DBF4B: variants seen among roughly 807,000 people sequenced by gnomAD.
DBF4B encodes DBF4B-CDC7 kinase regulatory subunit.
Under a neutral mutation model 53.4 loss-of-function variants are expected in DBF4B, and 49 were observed. That is an observed-to-expected ratio of 0.92 (90% CI 0.73 to 1.16). The LOEUF is 1.16. Ranked by LOEUF, DBF4B falls within the 50% of genes most tolerant of loss-of-function variation. The probability of loss-of-function intolerance (pLI) is 0.00; values close to 1 mark genes in which losing one functional copy is unlikely to be tolerated. For synonymous variants in DBF4B, 257 were observed against 288.7 expected, an observed-to-expected ratio of 0.89 and a Z score of 1.11; for missense variants, 692 against 775.0, an observed-to-expected ratio of 0.89 and a Z score of 1.27.
chr17:44,748,946 C>G, intron 13 of DBF4B: 1 of 1,289,834 alleles, frequency 7.8e-7, no homozygotes, highest in East Asian at 5.5e-5. Flanking sequence ...ACAGACAGAC[C>G]AGCAGAGTTC....
rs752640727 is a variant in DBF4B at position 44,722,889 on chromosome 17, G to A, written c.92G>A (p.Arg31Lys). Residue 31 changes from arginine to lysine, a missense_variant, in exon 3 of 14, where the codon AGG (arginine) becomes AAG (lysine). This residue lies in a region of DBF4B where 66 missense variants were observed against 51.3 expected (regional missense o/e 1.29). Coordinates refer to ENST00000315005, the MANE Select transcript of DBF4B (RefSeq NM_145663.3). ...RLRAPDLGVS[R>K]CLGKCQKNSP... is the part of the protein sequence containing the mutation. ...CTTTATTGTTTTCTAGGAGTTTCCA[G>A]GTGTCTAGGAAAATGCCAGAAGAAC... 6.2e-7 allele frequency: 1 copy of A among 1,614,014 alleles called. No individual in the cohort carries two copies. The highest frequency in any genetic ancestry group is 1.1e-5 in the South Asian group (1 of 91,066).
Position 44,749,886 on chromosome 17 carries a change from C to T in DBF4B, c.1190-709C>T, listed in dbSNP as rs1383571815. ...AAAATGACTGTGTTTGTCCCCTCCC[C>T]CAGCCCCCCACGCTCCCGCACACAG... On this transcript the variant is annotated intron_variant, in intron 13 of 13. Transcript: ENST00000315005. This position sits in a 1 kb window ranked among gnomAD's most constrained non-coding sequence, Gnocchi z 4.4. The T allele has an allele frequency of 2.9e-6, 3 of 1,039,002 alleles. No individual in the cohort carries two copies. The highest frequency in any genetic ancestry group is 3.4e-5 in the African/African-American group (2 of 59,294). The allele number at this position is 1,039,002 out of a possible 1,614,324, so 64.4% of individuals were successfully genotyped here.
intron 7 of DBF4B, 77 bp from the exon 8 acceptor site, chr17:44,736,753 C>T: frequency 6.5e-7 from 1 of 1,528,552 alleles, no homozygotes; most frequent in South Asian, 1.1e-5. Context: ...GACTGGCAGC[C>T]ACTTGGCTTA....
intron 10 of DBF4B, 96 bp from the exon 11 acceptor site, chr17:44,746,987 T>C: frequency 1.7e-6 from 2 of 1,172,580 alleles, no homozygotes; most frequent in Non-Finnish European, 2.5e-6. Context: ...TCTTGGTCCT[T>C]CCCCTCCCTG....
chr17:44,713,575 G>A (rs77646075), intron 2 of DBF4B, among the ~76,000 whole-genome samples: 18,110 of 151,966 alleles, frequency 0.12, 1,261 homozygotes, highest in South Asian at 0.25. Context: ...ACTTGAACCC[G>A]GGAGGCAGAG....
At chr17:44,739,177 G>A (rs530726519) in intron 9 of DBF4B, among the ~76,000 whole-genome samples, 1 of 152,328 alleles carries the variant, frequency 6.6e-6, no homozygotes, top group South Asian at 2.1e-4. Flanking sequence ...TGAGCTATTA[G>A]CAGCCATGTT....
intron 5 of DBF4B, 182 bp downstream of exon 5, chr17:44,731,197 C>T: frequency 4.6e-6 from 3 of 656,096 alleles, no homozygotes; most frequent in Non-Finnish European, 7.8e-6. Context: ...TAGCCATTCA[C>T]CTAGAGAGTA....
intron 10 of DBF4B, among the ~76,000 whole-genome samples, chr17:44,743,698 C>G (rs1031458952): frequency 6.4e-4 from 97 of 151,588 alleles, no homozygotes; most frequent in Non-Finnish European, 2.7e-4. Flanking sequence ...GCAACCTCCG[C>G]CTCCCAGGTT....
rs114677363 is a variant in DBF4B, at chr17:44,729,669, A to G, written c.226-236A>G. ...CAGGGGCAGCAGTCCTGTAGACAAA[A>G]CCTGTAATACACATACACACACACA... On this transcript the variant is annotated intron_variant, in intron 3 of 13. Transcript: ENST00000315005. 6.3e-3 allele frequency among the ~76,000 whole-genome samples: 911 copies of G among 144,464 alleles called. 10 individuals carry two copies. Among genetic ancestry groups the G allele is most frequent in the African/African-American group, 0.023 (861 of 37,910 alleles). 94.8% of individuals were successfully genotyped at this position (144,464 alleles called of 152,430 possible). A position where few individuals can be genotyped will look rare whatever the true frequency, so the allele number is the denominator to read the frequency against.
intron 2 of DBF4B, among the ~76,000 whole-genome samples, chr17:44,717,509 C>G (rs1380172439): frequency 6.6e-6 from 1 of 151,630 alleles, no homozygotes; most frequent in East Asian, 1.9e-4. Flanking sequence ...GATTTCGAGA[C>G]CAGCCTGGCC....
Position 44,751,277 on chromosome 17 carries a change from C to CTT in DBF4B, c.*25_*26dup. 1 of 1,600,540 alleles carries CTT rather than the reference C, an allele frequency of 6.2e-7. No individual in the cohort carries two copies. Among genetic ancestry groups the CTT allele is most frequent in the Non-Finnish European group, 8.5e-7 (1 of 1,173,016 alleles). On this transcript the variant is annotated 3_prime_UTR_variant, in exon 14 of 14. Transcript: ENST00000315005. Reference sequence around the variant, plus strand: ...AGAGGTGAACCCAGAACACCTGAGACTTGACCCAGGATGGATGGGTGCTGC... The same window carrying CTT: ...AGAGGTGAACCCAGAACACCTGAGACTTTTGACCCAGGATGGATGGGTGCTGC...
In DBF4B at chr17:44,708,774, A is replaced by T. The variant is rs773624471; in HGVS notation, c.-47A>T. The T allele has an allele frequency of 1.9e-6, 3 of 1,547,360 alleles. No individual in the cohort carries two copies. Among genetic ancestry groups the T allele is most frequent in the South Asian group, 2.4e-5 (2 of 83,604 alleles). On this transcript the variant is annotated 5_prime_UTR_variant, in exon 1 of 14. Transcript: ENST00000315005. ...CATGGAGCTCGCGAATGTAATACGG[A>T]GGCCTCTGAGGAAGGAGTACGGAGG... is the stretch of plus-strand genomic sequence containing the variant.
intron 9 of DBF4B, among the ~76,000 whole-genome samples, chr17:44,739,258 A>T (rs1286233594): frequency 6.6e-6 from 1 of 152,240 alleles, no homozygotes; most frequent in Non-Finnish European, 1.5e-5. Context: ...TCAAAATTTA[A>T]ATTTTTGTTT....
chr17:44,730,315 G>A (rs1003003360), intron 4 of DBF4B, among the ~76,000 whole-genome samples: 1 of 152,080 alleles, frequency 6.6e-6, no homozygotes, highest in African/African-American at 2.4e-5. Flanking sequence ...AGTTTTTACG[G>A]GACTTGAAAG....
intron 10 of DBF4B, among the ~76,000 whole-genome samples, chr17:44,744,594 G>A (rs1976423356): frequency 1.3e-5 from 2 of 152,104 alleles, no homozygotes; most frequent in Non-Finnish European, 2.9e-5. Flanking sequence ...AATTCCTAAA[G>A]GTAGAAATAT....
At position 44,751,580 on chromosome 17, in the gene DBF4B, C is replaced by T; in HGVS notation, c.*327C>T. 1 of 1,345,166 alleles carries T rather than the reference C, an allele frequency of 7.4e-7. No homozygotes were observed. Among genetic ancestry groups the T allele is most frequent in the African/African-American group, 1.5e-5 (1 of 68,114 alleles). The allele number at this position is 1,345,166 out of a possible 1,614,324, so 83.3% of individuals were successfully genotyped here. On this transcript the variant is annotated 3_prime_UTR_variant, in exon 14 of 14. Transcript: ENST00000315005. ...CAGACTTGCCACCTTTCCCCTCTGC[C>T]CCAAAATGCCATGCTCCTCTCCTGG...
At chr17:44,745,572 C>T (rs1010272719) in intron 10 of DBF4B, among the ~76,000 whole-genome samples, 3 of 152,188 alleles carry the variant, frequency 2.0e-5, no homozygotes, top group Non-Finnish European at 2.9e-5. Flanking sequence ...CATCACATCT[C>T]ATGAGAACTG....
chr17:44,726,666 A>T (rs1204921669), intron 3 of DBF4B, among the ~76,000 whole-genome samples: 2 of 152,122 alleles, frequency 1.3e-5, no homozygotes, highest in Non-Finnish European at 2.9e-5. Flanking sequence ...GTGGGAATAT[A>T]ATATTCTTTT....
chr17:44,723,263 C>A (rs1056168369), intron 3 of DBF4B, among the ~76,000 whole-genome samples: 2 of 152,156 alleles, frequency 1.3e-5, no homozygotes, highest in Non-Finnish European at 2.9e-5. Context: ...CACACCACCA[C>A]GTCTGGCTAA....
Sources: allele counts gnomAD v4.1 joint callset (sites outside exome capture counted in the v4.1 genomes callset), GRCh38; gene constraint gnomAD v4.1.1; regional missense constraint gnomAD v4.1.1; non-coding constraint Gnocchi (gnomAD v3.1); transcripts MANE v1.5; gene names NCBI Gene and HGNC (gene_info 2026-07-23, HGNC 2026-07-21).